WDR70: variants seen among roughly 807,000 people sequenced by gnomAD.
The protein encoded by WDR70 is WD repeat-containing protein 70.
In WDR70, 53 loss-of-function variants were observed where a neutral mutation model predicts 88.6. The observed-to-expected ratio is 0.60, with a 90% CI of 0.48 to 0.75. The LOEUF (loss-of-function observed/expected upper bound fraction) is 0.75, where lower values mean the gene tolerates loss of function less well. WDR70 is among the 30% of genes least tolerant of loss of function. The pLI is 0.00. For missense variants in WDR70, 610 were observed against 823.2 expected, an observed-to-expected ratio of 0.74 and a Z score of 3.17; for synonymous variants, 280 against 270.0, an observed-to-expected ratio of 1.04 and a Z score of -0.36.
At chr5:37,414,776 C>T (rs960959625) in intron 5 of WDR70, among the ~76,000 whole-genome samples, 1 of 149,930 alleles carries the variant, frequency 6.7e-6, no homozygotes, top group African/African-American at 2.5e-5. Context: ...GATCTAGTCA[C>T]AATTATTCTT....
intron 10 of WDR70, among the ~76,000 whole-genome samples, chr5:37,676,096 C>G (rs1746196689): frequency 6.9e-6 from 1 of 144,624 alleles, no homozygotes; most frequent in African/African-American, 2.5e-5. Context: ...TATCCTGAGA[C>G]TTTGCTGAAG....
At chr5:37,649,325 T>C (rs1264543502) in intron 10 of WDR70, among the ~76,000 whole-genome samples, 1 of 151,876 alleles carries the variant, frequency 6.6e-6, no homozygotes, top group Non-Finnish European at 1.5e-5. Context: ...GACCAGACTT[T>C]GGAAGAGTAT....
At chr5:37,626,561 C>T (rs2112515874) in intron 10 of WDR70, among the ~76,000 whole-genome samples, 1 of 152,194 alleles carries the variant, frequency 6.6e-6, no homozygotes, top group Admixed American at 6.5e-5. Context: ...GGGATACTGG[C>T]TGTAGTTTTC....
At chr5:37,519,903 A>G (rs1051571069) in intron 9 of WDR70, among the ~76,000 whole-genome samples, 2 of 152,192 alleles carry the variant, frequency 1.3e-5, no homozygotes. Flanking sequence ...ACAGCATATG[A>G]GGGTCCCTTT....
At chr5:37,654,595 T>G (rs967471298) in intron 10 of WDR70, among the ~76,000 whole-genome samples, 3 of 152,230 alleles carry the variant, frequency 2.0e-5, no homozygotes, top group Non-Finnish European at 2.9e-5. Flanking sequence ...TTTGTAGGTC[T>G]CTAAGAACTT....
chr5:37,718,464 G>T (rs963268324), intron 13 of WDR70, among the ~76,000 whole-genome samples: 4 of 152,154 alleles, frequency 2.6e-5, no homozygotes, highest in South Asian at 2.1e-4. Flanking sequence ...GACCTCTAGA[G>T]AACCAAGAAA....
At chr5:37,613,154 A>G (rs1300276592) in intron 10 of WDR70, among the ~76,000 whole-genome samples, 2 of 152,208 alleles carry the variant, frequency 1.3e-5, no homozygotes, top group Admixed American at 1.3e-4. Context: ...TGAGAAAGTT[A>G]GGGTAAAAGG....
intron 10 of WDR70, among the ~76,000 whole-genome samples, chr5:37,672,741 C>T (rs1206362971): frequency 3.3e-5 from 5 of 152,080 alleles, no homozygotes; most frequent in African/African-American, 7.2e-5. Flanking sequence ...AGACCAGTGC[C>T]GGTGCAGGTC....
In WDR70 at chr5:37,546,372, G is replaced by A. The variant is rs183401940; in HGVS notation, c.917+29782G>A. ...GTAAGATGTCTACACCTTCAAAAAT[G>A]TTGGAGGAAAGTTTGATAAAGTTCA... On this transcript the variant is annotated intron_variant, in intron 9 of 17. Transcript: ENST00000265107. Among the ~76,000 whole-genome samples, 490 of 152,240 alleles carry A rather than the reference G, an allele frequency of 3.2e-3. 6 individuals are homozygous for A. The highest frequency in any genetic ancestry group is 0.011 in the African/African-American group (475 of 41,538).
intron 10 of WDR70, among the ~76,000 whole-genome samples, chr5:37,672,028 C>A (rs1432671888): frequency 6.6e-6 from 1 of 152,188 alleles, no homozygotes; most frequent in East Asian, 1.9e-4. Flanking sequence ...TAGCCCCAAC[C>A]CTGTGCTCAC....
chr5:37,404,577 C>A (rs1749295449), intron 5 of WDR70, among the ~76,000 whole-genome samples: 1 of 152,084 alleles, frequency 6.6e-6, no homozygotes, highest in African/African-American at 2.4e-5. Context: ...TTTTTTGAAT[C>A]TTGTTCATTT....
chr5:37,706,868 A>G (rs891800785), intron 13 of WDR70, among the ~76,000 whole-genome samples: 1 of 152,094 alleles, frequency 6.6e-6, no homozygotes, highest in Non-Finnish European at 1.5e-5. Context: ...TCTTGAGTTT[A>G]CAAATTCACT....
At chr5:37,412,583 C>G (rs1300263651) in intron 5 of WDR70, among the ~76,000 whole-genome samples, 1 of 152,024 alleles carries the variant, frequency 6.6e-6, no homozygotes, top group Admixed American at 6.6e-5. Flanking sequence ...ATTTTTATGA[C>G]TGTAACTAAG....
In WDR70 at chr5:37,437,955, A is replaced by G. The variant is rs1380612210; in HGVS notation, c.526A>G (p.Ile176Val). The change falls in exon 6 of 18, where the codon ATA (isoleucine) becomes GTA (valine). Residue 176 changes from isoleucine to valine, a missense_variant. Physicochemically the swap from Ile to Val is conservative, Grantham distance 29. Coordinates refer to ENST00000265107, the MANE Select transcript of WDR70 (RefSeq NM_018034.4). ...TCACAAGATTCCTGACTCGCATGAG[A>G]TAACGCTGAAGCATGGCACTAAAAC... is the stretch of plus-strand genomic sequence containing the variant. ...PVHKIPDSHE[I>V]TLKHGTKTVS... is the part of the protein sequence containing the mutation. The G allele has an allele frequency of 1.9e-6, 3 of 1,611,000 alleles. No homozygotes were observed. The highest frequency in any genetic ancestry group is 2.2e-5 in the East Asian group (1 of 44,686).
chr5:37,483,315 TGCTGCCTTCAA>T (rs924572546), intron 8 of WDR70, among the ~76,000 whole-genome samples: 1 of 151,924 alleles, frequency 6.6e-6, no homozygotes, highest in African/African-American at 2.4e-5. Context: ...TTAACGAGCA[TGCTGCCTTCAA>T]GCATCTGTTT....
At chr5:37,557,954 A>AGTACTCTTTTTAATACTCTTCAATAGT (rs1742350082) in intron 9 of WDR70, among the ~76,000 whole-genome samples, 1 of 145,754 alleles carries the variant, frequency 6.9e-6, no homozygotes, top group African/African-American at 2.5e-5. Flanking sequence ...TCTTCAAAAG[A>AGTACTCTTTTTAATACTCTTCAATAGT]GTATTATGTA....
In WDR70 at chr5:37,721,219, T is replaced by C; in HGVS notation, c.1517+4T>C. 1.2e-6 allele frequency: 2 copies of C among 1,613,074 alleles called. No homozygotes were observed. The highest frequency in any genetic ancestry group is 1.7e-6 in the Non-Finnish European group (2 of 1,179,242). ...ACGACCCCAACAAGAGTCAGAGGTA[T>C]TTCATAAGTATTGCCTGTTTTAGAT... On this transcript the variant is annotated splice_donor_region_variant and intron_variant, in intron 14 of 17. Coordinates refer to ENST00000265107, the MANE Select transcript of WDR70 (RefSeq NM_018034.4).
At chr5:37,467,641 A>G (rs905650285) in intron 7 of WDR70, among the ~76,000 whole-genome samples, 2 of 150,992 alleles carry the variant, frequency 1.3e-5, no homozygotes, top group Non-Finnish European at 2.9e-5. Context: ...GGTTCACACC[A>G]TTCTCCTGCG....
intron 17 of WDR70, among the ~76,000 whole-genome samples, chr5:37,747,655 A>G (rs1174906484): frequency 1.3e-5 from 2 of 152,204 alleles, no homozygotes; most frequent in African/African-American, 2.4e-5. Context: ...GGCTGGGGCA[A>G]TCAGGCAAGA....
Sources: gnomAD v4.1 joint callset for allele counts (sites outside exome capture counted in the v4.1 genomes callset) on GRCh38, gnomAD v4.1.1 for gene constraint, MANE v1.5 for transcripts, NCBI Gene and HGNC (gene_info 2026-07-23, HGNC 2026-07-21) for gene names.